Variants in THBS2 observed in about 807,000 individuals in gnomAD.
THBS2 encodes thrombospondin 2, also known as thrombospondin-2.
Under a neutral mutation model 135.2 loss-of-function variants are expected in THBS2, and 47 were observed. That is an observed-to-expected ratio of 0.35 (90% CI 0.28 to 0.44). THBS2 has a LOEUF of 0.44. THBS2 is among the 20% of genes least tolerant of loss of function. THBS2 has a pLI of 1.00. For synonymous variants in THBS2, 639 were observed against 633.8 expected (o/e 1.01, Z -0.12); for missense variants, 1,288 against 1,603.1 (o/e 0.80, Z 3.36).
rs1779880581 is a variant in THBS2 at position 169,232,533 on chromosome 6, C to T, written c.1932+131G>A. ...CCAGCCGAGCAGGTGCTCAGCTTCC[C>T]CGGGCCAGCCCCTCCCATGCCTCTC... On this transcript the variant is annotated intron_variant, in intron 12 of 21. Coordinates refer to ENST00000617924, the MANE Select transcript of THBS2 (RefSeq NM_003247.5). 2.8e-6 allele frequency: 4 copies of T among 1,443,414 alleles called. No individual in the cohort carries two copies. In the African/African-American group the frequency reaches 4.3e-5, roughly 15 times the overall value. The allele number at this position is 1,443,414 out of a possible 1,614,324, so 89.4% of individuals were successfully genotyped here.
chr6:169,232,694 G>A lies in THBS2; in HGVS notation c.1902C>T (p.Val634=), dbSNP rs952595018. 6 of 1,611,096 alleles carry A rather than the reference G, an allele frequency of 3.7e-6. No homozygotes were observed. Among genetic ancestry groups the A allele is most frequent in the Non-Finnish European group, 5.1e-6 (6 of 1,178,812 alleles). The part of the protein sequence containing the change: ...PRYRGNQPVG[V]GLEAAKTEKQ... ...TTTCCGTCTTGGCTGCTTCCAGGCC[G>A]ACCCCGACGGGCTGGTTCCCTCTGT... Residue 634 remains valine, a synonymous_variant, in exon 12 of 22, where the codon GTC becomes GTT. Transcript: ENST00000617924.
chr6:169,223,157 C>T (rs1304505576), intron 18 of THBS2, 91 bp downstream of exon 18: 4 of 1,215,200 alleles, frequency 3.3e-6, no homozygotes, highest in Non-Finnish European at 4.6e-6. Flanking sequence ...CATGGCATCC[C>T]ACCTGCATGA....
At chr6:169,242,041 G>T (rs183104809) in intron 4 of THBS2, 83 bp from the exon 5 acceptor site, 3 of 1,468,370 alleles carry the variant, frequency 2.0e-6, no homozygotes, top group African/African-American at 1.4e-5. Flanking sequence ...AGGATGACCC[G>T]CCCTGGCTCC....
intron 12 of THBS2, 133 bp downstream of exon 12, chr6:169,232,530 TC>T: frequency 7.0e-7 from 1 of 1,428,524 alleles, no homozygotes; most frequent in Non-Finnish European, 9.4e-7. Context: ...GTGCTCAGCT[TC>T]CCCGGGCCAG....
At chr6:169,236,073 C>T (rs1437351300) in intron 9 of THBS2, among the ~76,000 whole-genome samples, 2 of 121,726 alleles carry the variant, frequency 1.6e-5, no homozygotes, top group African/African-American at 6.7e-5. Context: ...TCCACACTCA[C>T]CATCCACACT....
chr6:169,225,215 GTCA>G lies in THBS2; in HGVS notation c.2700_2702del (p.Asp901del), dbSNP rs749366420. ...CCCTGTCATCGGGGACGCCATCGTT[GTCA>G]TCATCAGGGTCACAGGCGTCGCCCT... is the stretch of plus-strand genomic sequence containing the variant. On this transcript the variant is annotated inframe_deletion, in exon 17 of 22. Coordinates refer to ENST00000617924, the MANE Select transcript of THBS2 (RefSeq NM_003247.5). The G allele has an allele frequency of 2.5e-6, 4 of 1,614,076 alleles. No homozygotes were observed. The highest frequency in any genetic ancestry group is 2.5e-6 in the Non-Finnish European group (3 of 1,180,034).
At chr6:169,249,692 T>C (rs1306980513) in intron 2 of THBS2, among the ~76,000 whole-genome samples, 1 of 152,148 alleles carries the variant, frequency 6.6e-6, no homozygotes, top group Admixed American at 6.5e-5. Context: ...CCACCTAAGC[T>C]ATTGGCAAGA....
Position 169,217,486 on chromosome 6 carries a change from T to C in THBS2, c.*336A>G, listed in dbSNP as rs1368676973. On this transcript the variant is annotated 3_prime_UTR_variant, in exon 22 of 22. Transcript: ENST00000617924. ...CAACTCCATATACACATAAATACAA[T>C]AAGTAATTACATTTTATATGTAAAC... The C allele has an allele frequency of 3.0e-6, 1 of 334,830 alleles. No homozygotes were observed. Among genetic ancestry groups the C allele is most frequent in the African/African-American group, 2.1e-5 (1 of 47,250 alleles). The allele number at this position is 334,830 out of a possible 1,614,324, so 20.7% of individuals were successfully genotyped here.
chr6:169,232,320 A>G, intron 12 of THBS2, 122 bp from the exon 13 acceptor site: 1 of 1,119,366 alleles, frequency 8.9e-7, no homozygotes, highest in Admixed American at 2.0e-5. Flanking sequence ...CAAGTCCTGA[A>G]GTGGGAAGGG....
At chr6:169,242,060 C>A in intron 4 of THBS2, 102 bp from the exon 5 acceptor site, 4 of 1,350,218 alleles carry the variant, frequency 3.0e-6, no homozygotes, top group Non-Finnish European at 4.0e-6. Context: ...CCCGGAGCGG[C>A]CTGGTGCTGG....
chr6:169,242,989 ATTCGCACC>A (rs201800552), intron 4 of THBS2, among the ~76,000 whole-genome samples: 125 of 6,836 alleles, frequency 0.018, no homozygotes, highest in East Asian at 0.054. Context: ...ACCTTCCCAC[ATTCGCACC>A]TTCCCACCTT....
At chr6:169,242,588 C>G (rs1562362960) in intron 4 of THBS2, among the ~76,000 whole-genome samples, 1 of 132,500 alleles carries the variant, frequency 7.5e-6, no homozygotes, top group African/African-American at 2.7e-5. Context: ...CCCCAAATTC[C>G]CACCTTCCCA....
In THBS2 at chr6:169,248,824, C is replaced by T. The variant is rs1226049950; in HGVS notation, c.202G>A (p.Ala68Thr). 6.2e-7 allele frequency: 1 copy of T among 1,610,760 alleles called. No homozygotes were observed. The highest frequency in any genetic ancestry group is 8.5e-7 in the Non-Finnish European group (1 of 1,180,010). Residue 68 changes from alanine to threonine, a missense_variant, in exon 3 of 22, where the codon GCA becomes ACA. Physicochemically the swap from Ala to Thr is moderately conservative, Grantham distance 58 (BLOSUM62 0). This residue lies in a region of THBS2 where 414 missense variants were observed against 447.0 expected (regional missense o/e 0.93). Coordinates refer to ENST00000617924, the MANE Select transcript of THBS2 (RefSeq NM_003247.5). ...VRFDYIPPVN[A>T]DDLSKITKIM... Reference sequence around the variant, plus strand: ...TTGGTGATCTTGCTGAGGTCATCTGCGTTCACCGGTGGGATGTAGTCAAAG... The same window carrying T: ...TTGGTGATCTTGCTGAGGTCATCTGTGTTCACCGGTGGGATGTAGTCAAAG...
In THBS2 at chr6:169,220,186, G is replaced by A. The variant is rs749938858; in HGVS notation, c.3511+12C>T. ...CATGCCTTCCCCACTAACCTGAAGT[G>A]CTCACACTCACCTCTGCATTCGTAC... On this transcript the variant is annotated intron_variant, in intron 21 of 21. Coordinates refer to ENST00000617924, the MANE Select transcript of THBS2 (RefSeq NM_003247.5). 4 of 1,611,990 alleles carry A rather than the reference G, an allele frequency of 2.5e-6. No homozygotes were observed. Among genetic ancestry groups the A allele is most frequent in the African/African-American group, 1.3e-5 (1 of 74,846 alleles).
chr6:169,245,641 A>G (rs1006208498), intron 4 of THBS2, among the ~76,000 whole-genome samples: 2 of 151,910 alleles, frequency 1.3e-5, no homozygotes, highest in African/African-American at 4.8e-5. Context: ...AAATACAAAA[A>G]ATTAGCTGGG....
chr6:169,227,388 C>T (rs966762529), intron 15 of THBS2, among the ~76,000 whole-genome samples: 5 of 152,168 alleles, frequency 3.3e-5, no homozygotes, highest in Admixed American at 1.3e-4. Context: ...GCGAACTCTC[C>T]GGATAAAGCA....
intron 3 of THBS2, among the ~76,000 whole-genome samples, chr6:169,246,966 A>G (rs1780573620): frequency 6.6e-6 from 1 of 152,212 alleles, no homozygotes; most frequent in South Asian, 2.1e-4. Context: ...TTTAACCAAA[A>G]TGGACATGAA....
At position 169,217,748 on chromosome 6, in the gene THBS2, A is replaced by AT; in HGVS notation, c.*73_*74insA. 6.5e-7 allele frequency: 1 copy of AT among 1,542,762 alleles called. No individual in the cohort carries two copies. The highest frequency in any genetic ancestry group is 8.8e-7 in the Non-Finnish European group (1 of 1,130,720). ...GGTGCTGCTAGAGAGAGAAGCCACA[A>AT]GGACCACAATGAACTGAGGTGTCTA... On this transcript the variant is annotated 3_prime_UTR_variant, in exon 22 of 22. Coordinates refer to ENST00000617924, the MANE Select transcript of THBS2 (RefSeq NM_003247.5).
intron 3 of THBS2, 36 bp downstream of exon 3, chr6:169,248,381 C>T: frequency 6.4e-7 from 1 of 1,565,692 alleles, no homozygotes; most frequent in Non-Finnish European, 8.7e-7. Flanking sequence ...TAAGCTCTTT[C>T]CTCCCTCACG....
Sources: allele counts gnomAD v4.1 joint callset (sites outside exome capture counted in the v4.1 genomes callset), GRCh38; gene constraint gnomAD v4.1.1; regional missense constraint gnomAD v4.1.1; transcripts MANE v1.5; gene names NCBI Gene and HGNC (gene_info 2026-07-23, HGNC 2026-07-21).